The following OR51B5 variants were observed in gnomAD, a reference collection of about 807,000 sequenced individuals.
The protein encoded by OR51B5 is olfactory receptor family 51 subfamily B member 5, also known as olfactory receptor 51B5.
For missense variants in OR51B5, 456 were observed against 374.6 expected, an observed-to-expected ratio of 1.22 and a Z score of -1.79; for synonymous variants, 186 against 144.8, an observed-to-expected ratio of 1.28 and a Z score of -2.04.
At chr11:5,422,824 T>G (rs1422070405) in intron 1 of OR51B5, 2 of 1,614,158 alleles carry the variant, frequency 1.2e-6, no homozygotes, top group Non-Finnish European at 1.7e-6. Context: ...CCTTGCTCAT[T>G]ATTATCGTGG....
At chr11:5,396,129 G>A (rs572086377) in intron 1 of OR51B5, among the ~76,000 whole-genome samples, 10 of 152,246 alleles carry the variant, frequency 6.6e-5, no homozygotes, top group African/African-American at 1.7e-4. Context: ...TAACCACACT[G>A]CACTGCCTAA....
intron 1 of OR51B5, among the ~76,000 whole-genome samples, chr11:5,410,292 T>C (rs1850126138): frequency 6.6e-6 from 1 of 152,160 alleles, no homozygotes; most frequent in Admixed American, 6.5e-5. Flanking sequence ...ACTATAATTG[T>C]GGCAGGAATC....
intron 1 of OR51B5, among the ~76,000 whole-genome samples, chr11:5,383,052 T>C (rs1849634066): frequency 6.6e-6 from 1 of 152,200 alleles, no homozygotes; most frequent in Non-Finnish European, 1.5e-5. Context: ...TCACATTAAC[T>C]CAGGTTCTGT....
At chr11:5,370,149 A>T (rs1849427146) in intron 1 of OR51B5, among the ~76,000 whole-genome samples, 1 of 152,206 alleles carries the variant, frequency 6.6e-6, no homozygotes, top group Admixed American at 6.5e-5. Flanking sequence ...GCTAGAGGCT[A>T]CCAAGTTGTA....
intron 1 of OR51B5, among the ~76,000 whole-genome samples, chr11:5,409,278 G>A (rs1850107342): frequency 6.6e-6 from 1 of 152,060 alleles, no homozygotes; most frequent in Non-Finnish European, 1.5e-5. Flanking sequence ...TTTCCCTGGA[G>A]GCATATGTCA....
intron 1 of OR51B5, among the ~76,000 whole-genome samples, chr11:5,379,433 A>G (rs567940243): frequency 6.6e-6 from 1 of 152,116 alleles, no homozygotes; most frequent in East Asian, 1.9e-4. Context: ...CACATTATGC[A>G]CATGTACCCT....
intron 1 of OR51B5, among the ~76,000 whole-genome samples, chr11:5,501,040 T>C (rs1846286319): frequency 6.8e-6 from 1 of 148,078 alleles, no homozygotes; most frequent in Non-Finnish European, 1.5e-5. Context: ...TGTTGGAGAT[T>C]CCATAGTTTG....
intron 1 of OR51B5, among the ~76,000 whole-genome samples, chr11:5,386,102 T>A (rs566551986): frequency 6.6e-6 from 1 of 152,256 alleles, no homozygotes; most frequent in African/African-American, 2.4e-5. Flanking sequence ...GAAGAAGTGA[T>A]ATTTGTACTA....
At chr11:5,452,222 G>A (rs1004868792) in intron 1 of OR51B5, among the ~76,000 whole-genome samples, 1 of 152,010 alleles carries the variant, frequency 6.6e-6, no homozygotes, top group African/African-American at 2.4e-5. Flanking sequence ...AGATCAAGAG[G>A]GGCCGGGCAC....
intron 1 of OR51B5, among the ~76,000 whole-genome samples, chr11:5,379,631 T>TTTTATTTTTTAATTGAC (rs1849580194): frequency 6.6e-6 from 1 of 152,006 alleles, no homozygotes; most frequent in African/African-American, 2.4e-5. Flanking sequence ...GATATGCATT[T>TTTTATTTTTTAATTGAC]AGTTGTGTTT....
intron 1 of OR51B5, chr11:5,351,648 C>T: frequency 6.2e-7 from 1 of 1,614,136 alleles, no homozygotes; most frequent in African/African-American, 1.3e-5. Context: ...TCTTTCTCAT[C>T]AGGAATGATC....
chr11:5,421,778 C>A (rs1020490777), intron 1 of OR51B5, among the ~76,000 whole-genome samples: 4 of 152,132 alleles, frequency 2.6e-5, no homozygotes, highest in Non-Finnish European at 5.9e-5. Flanking sequence ...GAAAAAGACA[C>A]TGGATTTATA....
intron 1 of OR51B5, among the ~76,000 whole-genome samples, chr11:5,469,853 G>A (rs1265174963): frequency 1.3e-5 from 2 of 152,072 alleles, no homozygotes; most frequent in Admixed American, 6.5e-5. Context: ...CCCACTGATT[G>A]ATTCTGTCTT....
At chr11:5,416,745 G>A (rs1208662882) in intron 1 of OR51B5, among the ~76,000 whole-genome samples, 2 of 140,800 alleles carry the variant, frequency 1.4e-5, no homozygotes, top group East Asian at 4.2e-4. Flanking sequence ...TCTTCAAGGA[G>A]AACTACAAAC....
chr11:5,342,639 G>A lies in OR51B5; in HGVS notation c.886C>T (p.Gln296Ter), dbSNP rs139232551. The A allele has an allele frequency of 8.7e-6, 14 of 1,608,510 alleles. No homozygotes were observed. The highest frequency in any genetic ancestry group is 1.7e-4 in the Middle Eastern group (1 of 6,032). Reference sequence around the variant, plus strand: ...AGGTGAAGAATGGCATTCTGAATCTGCTTGGTCTTGACACTATATGTTATA... The same window carrying A: ...AGGTGAAGAATGGCATTCTGAATCTACTTGGTCTTGACACTATATGTTATA... Residue 296 changes from glutamine (Q) to a stop codon, truncating the protein, a stop_gained, in exon 1 of 1, where the codon CAG becomes TAG. Coordinates refer to ENST00000300773, the Ensembl canonical transcript of OR51B5. LOFTEE classifies it low-confidence loss of function (END_TRUNC).
At chr11:5,466,484 G>T (rs1851140448) in intron 1 of OR51B5, among the ~76,000 whole-genome samples, 1 of 152,144 alleles carries the variant, frequency 6.6e-6, no homozygotes, top group Non-Finnish European at 1.5e-5. Flanking sequence ...CTGATATTTA[G>T]ATGCAGACAC....
intron 1 of OR51B5, among the ~76,000 whole-genome samples, chr11:5,477,733 G>A (rs1264461164): frequency 6.6e-6 from 1 of 152,128 alleles, no homozygotes; most frequent in African/African-American, 2.4e-5. Flanking sequence ...CCCTTTCCGA[G>A]TCAAAGAAAG....
At chr11:5,421,101 T>C (rs1466695199) in intron 1 of OR51B5, among the ~76,000 whole-genome samples, 1 of 152,256 alleles carries the variant, frequency 6.6e-6, no homozygotes, top group East Asian at 1.9e-4. Context: ...TGATTCAATA[T>C]GGCTTTCTAA....
intron 1 of OR51B5, chr11:5,505,546 A>G: frequency 8.8e-7 from 1 of 1,137,866 alleles, no homozygotes; most frequent in Non-Finnish European, 1.1e-6. Context: ...AATTTATAAA[A>G]GAAAGAGGTT....
Sources: gnomAD v4.1 joint callset for allele counts (sites outside exome capture counted in the v4.1 genomes callset) on GRCh38, gnomAD v4.1.1 for gene constraint, MANE v1.5 for transcripts, NCBI Gene and HGNC (gene_info 2026-07-23, HGNC 2026-07-21) for gene names.